PID1: variants seen among roughly 807,000 people sequenced by gnomAD.
PID1 encodes PTB-containing, cubilin and LRP1-interacting protein.
A neutral mutation model predicts 19.1 loss-of-function variants in PID1; 10 were observed. That is an observed-to-expected ratio of 0.52 (90% CI 0.32 to 0.89). PID1 has a LOEUF of 0.89. Ranked by LOEUF, PID1 falls within the 40% of genes least tolerant of loss-of-function variation. PID1 has a pLI of 0.03. For synonymous variants in PID1, 130 were observed against 116.0 expected (o/e 1.12, Z -0.78); for missense variants, 248 against 285.3 (o/e 0.87, Z 0.94).
At chr2:229,192,086 TA>T (rs1283685154) in intron 1 of PID1, among the ~76,000 whole-genome samples, 1 of 151,928 alleles carries the variant, frequency 6.6e-6, no homozygotes, top group Admixed American at 6.6e-5. Flanking sequence ...TAGAAGAAAA[TA>T]GGGGGTATAA....
chr2:229,048,475 T>A (rs955890422), intron 2 of PID1, among the ~76,000 whole-genome samples: 1 of 152,084 alleles, frequency 6.6e-6, no homozygotes, highest in African/African-American at 2.4e-5. Flanking sequence ...ATCCCTCTCC[T>A]TGGTAGAGGA....
intron 1 of PID1, among the ~76,000 whole-genome samples, chr2:229,184,333 A>ATG (rs1491244957): frequency 0.014 from 30 of 2,206 alleles, 5 homozygotes; most frequent in African/African-American, 0.11. Context: ...TATATATCCC[A>ATG]TATATATATC....
intron 1 of PID1, among the ~76,000 whole-genome samples, chr2:229,181,081 C>G (rs917552566): frequency 6.6e-6 from 1 of 152,236 alleles, no homozygotes; most frequent in Non-Finnish European, 1.5e-5. Context: ...TTCCAAGTCT[C>G]TCGTTCCACC....
At chr2:229,213,092 T>A (rs1691773709) in intron 1 of PID1, among the ~76,000 whole-genome samples, 1 of 152,124 alleles carries the variant, frequency 6.6e-6, no homozygotes, top group African/African-American at 2.4e-5. Context: ...ATGGAGGAGT[T>A]GAGGAACAGG....
intron 2 of PID1, among the ~76,000 whole-genome samples, chr2:229,096,211 A>G (rs1694968306): frequency 6.6e-6 from 1 of 152,178 alleles, no homozygotes; most frequent in Non-Finnish European, 1.5e-5. Flanking sequence ...AATATCATGT[A>G]CTTATCTCTT....
intron 2 of PID1, among the ~76,000 whole-genome samples, chr2:229,057,766 G>A (rs1574592986): frequency 6.6e-6 from 1 of 152,162 alleles, no homozygotes; most frequent in East Asian, 1.9e-4. Flanking sequence ...CCAGGGAGAT[G>A]TTGACAAGGC....
chr2:229,149,520 C>T (rs1690204228), intron 2 of PID1, among the ~76,000 whole-genome samples: 1 of 152,318 alleles, frequency 6.6e-6, no homozygotes, highest in Non-Finnish European at 1.5e-5. Context: ...AGCTCAGAAA[C>T]ATCTCCCCTC....
intron 1 of PID1, among the ~76,000 whole-genome samples, chr2:229,170,287 C>T (rs954330464): frequency 1.3e-5 from 2 of 152,126 alleles, no homozygotes; most frequent in African/African-American, 4.8e-5. Flanking sequence ...CTGTCTGGTA[C>T]TTTACAAGGA....
At chr2:229,054,662 C>T (rs935744773) in intron 2 of PID1, among the ~76,000 whole-genome samples, 4 of 131,458 alleles carry the variant, frequency 3.0e-5, no homozygotes, top group African/African-American at 2.9e-5. Flanking sequence ...TATTTTACAA[C>T]TGCTGCAATT....
At chr2:229,063,069 A>G (rs973582711) in intron 2 of PID1, among the ~76,000 whole-genome samples, 6 of 151,990 alleles carry the variant, frequency 3.9e-5, no homozygotes, top group Non-Finnish European at 8.8e-5. Context: ...CAAAGAACCA[A>G]ACTTGTAGCT....
chr2:229,247,969 ATCC>A (rs1398498488), intron 1 of PID1, among the ~76,000 whole-genome samples: 3 of 151,700 alleles, frequency 2.0e-5, no homozygotes, highest in African/African-American at 7.3e-5. Flanking sequence ...CTTCCTTCTC[ATCC>A]TCCTCATCCT....
intron 1 of PID1, among the ~76,000 whole-genome samples, chr2:229,210,244 G>A (rs1359214656): frequency 6.6e-6 from 1 of 151,812 alleles, no homozygotes; most frequent in Middle Eastern, 3.2e-3. Context: ...CGGGCATGGC[G>A]GCTCGCGCCT....
At chr2:229,053,914 G>C (rs1336905527) in intron 2 of PID1, among the ~76,000 whole-genome samples, 1 of 152,198 alleles carries the variant, frequency 6.6e-6, no homozygotes, top group Middle Eastern at 3.2e-3. Flanking sequence ...ATTCAGGTAA[G>C]TGCTTTTAAT....
At chr2:229,224,420 C>A (rs2106261224) in intron 1 of PID1, among the ~76,000 whole-genome samples, 1 of 152,242 alleles carries the variant, frequency 6.6e-6, no homozygotes, top group African/African-American at 2.4e-5. Context: ...CGGCTGTTTC[C>A]TTCACATTAT....
At chr2:229,129,188 T>C (rs1300564722) in intron 2 of PID1, among the ~76,000 whole-genome samples, 1 of 152,158 alleles carries the variant, frequency 6.6e-6, no homozygotes, top group Non-Finnish European at 1.5e-5. Context: ...ACCACACTTG[T>C]GCTAGTTTCC....
At chr2:229,269,749 G>A (rs1574773351) in intron 1 of PID1, among the ~76,000 whole-genome samples, 1 of 152,180 alleles carries the variant, frequency 6.6e-6, no homozygotes, top group African/African-American at 2.4e-5. Flanking sequence ...AGGGGGTTAG[G>A]AGGTTGGTCA....
Position 229,064,487 on chromosome 2 carries a change from T to C in PID1, c.178-38379A>G, listed in dbSNP as rs1026010948. On this transcript the variant is annotated intron_variant, in intron 2 of 2. Coordinates refer to ENST00000392055, the MANE Select transcript of PID1 (RefSeq NM_001100818.2). ...GCACAGGGAAATGGTCTGAGCTGCA[T>C]AGACATTATTGTTTTTCAAGAAATG... is the stretch of plus-strand genomic sequence containing the variant. 3.3e-5 allele frequency among the ~76,000 whole-genome samples: 5 copies of C among 152,178 alleles called. No individual in the cohort carries two copies. In the East Asian group the frequency reaches 9.6e-4, roughly 29 times the overall value.
chr2:229,187,064 C>T (rs1175412181), intron 1 of PID1, among the ~76,000 whole-genome samples: 1 of 152,188 alleles, frequency 6.6e-6, no homozygotes, highest in Non-Finnish European at 1.5e-5. Flanking sequence ...GCTCCAGTTC[C>T]CAACAAGTTC....
chr2:229,136,324 C>A (rs1440244086), intron 2 of PID1, among the ~76,000 whole-genome samples: 2 of 152,096 alleles, frequency 1.3e-5, no homozygotes, highest in Non-Finnish European at 2.9e-5. Context: ...AACAGCTTGA[C>A]CACAACCTCA....
Sources: gnomAD v4.1 joint callset for allele counts (sites outside exome capture counted in the v4.1 genomes callset) on GRCh38, gnomAD v4.1.1 for gene constraint, MANE v1.5 for transcripts, NCBI Gene and HGNC (gene_info 2026-07-23, HGNC 2026-07-21) for gene names.